The following HLA-DPB1 variants were observed in gnomAD, a reference collection of about 807,000 sequenced individuals.
HLA-DPB1 encodes the protein HLA class II histocompatibility antigen, DP beta 1 chain.
Under a neutral mutation model 29.4 loss-of-function variants are expected in HLA-DPB1, and 30 were observed. That is an observed-to-expected ratio of 1.02 (90% CI 0.76 to 1.38). The LOEUF (loss-of-function observed/expected upper bound fraction) is 1.38. Ranked by LOEUF, HLA-DPB1 falls within the 40% of genes most tolerant of loss-of-function variation. HLA-DPB1 has a pLI of 0.00. For missense variants in HLA-DPB1, 261 were observed against 327.5 expected, an observed-to-expected ratio of 0.80 and a Z score of 1.57; for synonymous variants, 114 against 134.0, an observed-to-expected ratio of 0.85 and a Z score of 1.03.
intron 1 of HLA-DPB1, 64 bp downstream of exon 1, chr6:33,076,205 C>T: frequency 1.8e-6 from 2 of 1,110,040 alleles, no homozygotes; most frequent in Non-Finnish European, 2.7e-6. Flanking sequence ...GGGACGTTAT[C>T]TTTAAGGGAT....
At chr6:33,085,480 G>A (rs1763055799) in intron 3 of HLA-DPB1, among the ~76,000 whole-genome samples, 2 of 152,108 alleles carry the variant, frequency 1.3e-5, no homozygotes, top group African/African-American at 2.4e-5. Flanking sequence ...GACTGGTCTC[G>A]AAACCCTCAC....
At position 33,084,970 on chromosome 6, in the gene HLA-DPB1, TC is replaced by T; in HGVS notation, c.390del (p.Ser131ProfsTer16). 6.3e-7 allele frequency: 1 copy of T among 1,588,738 alleles called. No homozygotes were observed. Among genetic ancestry groups the T allele is most frequent in the Non-Finnish European group, 8.6e-7 (1 of 1,159,328 alleles). ...CCTAGTCCAGCCTAGGGTGAATGTT[TC>T]CCCCTCCAAGAAGGGGCCCTTGCAG... Reference protein sequence around the residue: ...QRRVQPRVNVSPSKKGPLQHH... With the variant: ...QRRVQPRVNVXPSKKGPLQHH... On this transcript the variant is annotated frameshift_variant, in exon 3 of 6. Transcript: ENST00000418931. LOFTEE classifies it high-confidence loss of function.
At chr6:33,086,488 T>G (rs1271092899) in intron 5 of HLA-DPB1, 51 bp from the exon 6 acceptor site, 1 of 692,358 alleles carries the variant, frequency 1.4e-6, no homozygotes, top group Non-Finnish European at 2.7e-6. Flanking sequence ...TCTCCTGGAC[T>G]TACAGGAAGG....
Position 33,080,867 on chromosome 6 carries a change from G to A in HLA-DPB1, c.296G>A (p.Arg99Gln). Residue 99 changes from arginine to glutamine, a missense_variant, in exon 2 of 6, where the codon CGG becomes CAG. Arg to Gln is a conservative substitution (Grantham distance 43). Transcript: ENST00000418931. This position sits in a 1 kb window ranked among gnomAD's most constrained non-coding sequence, Gnocchi z 4.3. ...CAGAAGGACATCCTGGAGGAGAAGCGGGCAGTGCCGGACAGGATGTGCAGA... is the reference window on the plus strand; with the variant it reads ...CAGAAGGACATCCTGGAGGAGAAGCAGGCAGTGCCGGACAGGATGTGCAGA... ...NSQKDILEEKRAVPDRMCRHN... is the reference protein window; with the variant it reads ...NSQKDILEEKQAVPDRMCRHN... 4 of 1,613,044 alleles carry A rather than the reference G, an allele frequency of 2.5e-6. No homozygotes were observed. Among genetic ancestry groups the A allele is most frequent in the African/African-American group, 1.3e-5 (1 of 75,042 alleles).
intron 2 of HLA-DPB1, among the ~76,000 whole-genome samples, chr6:33,082,393 C>T (rs1443261378): frequency 9.2e-5 from 14 of 151,904 alleles, no homozygotes; most frequent in African/African-American, 3.1e-4. Context: ...TGGAGATCCT[C>T]TGTGATGCAC....
In HLA-DPB1 at chr6:33,080,539, T is replaced by C. The variant is rs766120636; in HGVS notation, c.101-133T>C. On this transcript the variant is annotated intron_variant, in intron 1 of 5. Transcript: ENST00000418931. This position sits in a 1 kb window ranked among gnomAD's most constrained non-coding sequence, Gnocchi z 4.3. Reference sequence around the variant, plus strand: ...CGCTTAGGACCACAGAACTCGGTACTAGGAAAACTCCTATTTTAAAATCCA... The same window carrying C: ...CGCTTAGGACCACAGAACTCGGTACCAGGAAAACTCCTATTTTAAAATCCA... 6 of 1,335,152 alleles carry C rather than the reference T, an allele frequency of 4.5e-6. No individual in the cohort carries two copies. The highest frequency in any genetic ancestry group is 3.8e-5 in the Admixed American group (2 of 52,414). 82.7% of individuals were successfully genotyped at this position (1,335,152 alleles called of 1,614,324 possible).
chr6:33,077,975 C>T (rs1762633352), intron 1 of HLA-DPB1, among the ~76,000 whole-genome samples: 1 of 152,144 alleles, frequency 6.6e-6, no homozygotes, highest in African/African-American at 2.4e-5. Flanking sequence ...GCCCTGGGAA[C>T]TGCAGAGGGG....
Position 33,080,689 on chromosome 6 carries a change from GGA to G in HLA-DPB1, c.119_120del (p.Gly40AlafsTer8). On this transcript the variant is annotated frameshift_variant, in exon 2 of 6. Coordinates refer to ENST00000418931, the MANE Select transcript of HLA-DPB1 (RefSeq NM_002121.6). LOFTEE classifies it high-confidence loss of function. This position sits in a 1 kb window ranked among gnomAD's most constrained non-coding sequence, Gnocchi z 4.3. ...CCCCGCAGAGAATTACCTTTTCCAG[GGA>G]CGGCAGGAATGCTACGCGTTTAATG... ...RATPENYLFQGRQECYAFNGT... is the reference protein window; with the variant it reads ...RATPENYLFQXRQECYAFNGT... 1 of 1,611,520 alleles carries G rather than the reference GGA, an allele frequency of 6.2e-7. No individual in the cohort carries two copies. Among genetic ancestry groups the G allele is most frequent in the Non-Finnish European group, 8.5e-7 (1 of 1,178,526 alleles).
chr6:33,077,549 G>A (rs1762607262), intron 1 of HLA-DPB1, among the ~76,000 whole-genome samples: 1 of 152,136 alleles, frequency 6.6e-6, no homozygotes, highest in Admixed American at 6.5e-5. Context: ...AAAAAGTCAG[G>A]AAACAACAGG....
intron 4 of HLA-DPB1, 58 bp from the exon 5 acceptor site, chr6:33,086,158 TCTC>T: frequency 7.2e-7 from 1 of 1,385,494 alleles, no homozygotes; most frequent in South Asian, 1.2e-5. Context: ...TGGAAATGTT[TCTC>T]TAATTATCTG....
At chr6:33,083,718 C>T (rs760644257) in intron 2 of HLA-DPB1, 2 of 152,238 alleles carry the variant, frequency 1.3e-5, no homozygotes, top group African/African-American at 2.4e-5. Flanking sequence ...GATCCTCATG[C>T]CTCAACCTCC....
chr6:33,085,963 T>TCA (rs140608279), intron 4 of HLA-DPB1, 74 bp downstream of exon 4: 246,907 of 1,027,554 alleles, frequency 0.24, 33,503 homozygotes, highest in East Asian at 0.59. Context: ...ATGAGGGGTT[T>TCA]GACAGAAAAG....
At chr6:33,078,331 A>T (rs1342675450) in intron 1 of HLA-DPB1, among the ~76,000 whole-genome samples, 1 of 152,154 alleles carries the variant, frequency 6.6e-6, no homozygotes, top group African/African-American at 2.4e-5. Context: ...CTGGAGCCAT[A>T]GGGGAGTGGG....
rs1172108496 is a variant in HLA-DPB1, at chr6:33,085,873, CAGG to C, written c.747_749del (p.Arg249del). The C allele has an allele frequency of 1.9e-6, 3 of 1,611,522 alleles. No homozygotes were observed. Among genetic ancestry groups the C allele is most frequent in the Non-Finnish European group, 2.5e-6 (3 of 1,178,232 alleles). ...TCTGTGGAGTGGGCATCTTCATGCA[CAGG>C]AGGAGCAAGAAAGGTGAGAAAGCCT... On this transcript the variant is annotated inframe_deletion, in exon 4 of 6. Transcript: ENST00000418931.
At chr6:33,081,726 C>T (rs556484802) in intron 2 of HLA-DPB1, among the ~76,000 whole-genome samples, 2 of 152,250 alleles carry the variant, frequency 1.3e-5, no homozygotes, top group South Asian at 4.2e-4. Flanking sequence ...GCGCATCCTC[C>T]TCGGGGCTGA....
At chr6:33,082,616 A>G (rs1762923085) in intron 2 of HLA-DPB1, among the ~76,000 whole-genome samples, 1 of 152,158 alleles carries the variant, frequency 6.6e-6, no homozygotes, top group Non-Finnish European at 1.5e-5. Flanking sequence ...AGAGGCAGGG[A>G]GATGAGGTAG....
At position 33,084,975 on chromosome 6, in the gene HLA-DPB1, C is replaced by T; in HGVS notation, c.390C>T (p.Pro130=). The part of the protein sequence containing the change: ...RRVQPRVNVS[P]SKKGPLQHHN... ...TCCAGCCTAGGGTGAATGTTTCCCCCTCCAAGAAGGGGCCCTTGCAGCACC... is the reference window on the plus strand; with the variant it reads ...TCCAGCCTAGGGTGAATGTTTCCCCTTCCAAGAAGGGGCCCTTGCAGCACC... The change falls in exon 3 of 6, where the codon CCC becomes CCT. Residue 130 remains proline (P), a synonymous_variant. Transcript: ENST00000418931. 1 of 1,596,286 alleles carries T rather than the reference C, an allele frequency of 6.3e-7. No homozygotes were observed. The highest frequency in any genetic ancestry group is 8.6e-7 in the Non-Finnish European group (1 of 1,165,644).
chr6:33,086,288 A>G, intron 5 of HLA-DPB1, 46 bp downstream of exon 5: 1 of 1,396,192 alleles, frequency 7.2e-7, no homozygotes, highest in South Asian at 1.2e-5. Context: ...TTGCAGGAGG[A>G]TATGAGTCCT....
intron 1 of HLA-DPB1, among the ~76,000 whole-genome samples, chr6:33,078,330 T>C (rs1232365240): frequency 6.6e-6 from 1 of 152,066 alleles, no homozygotes; most frequent in African/African-American, 2.4e-5. Context: ...GCTGGAGCCA[T>C]AGGGGAGTGG....
Sources: allele counts gnomAD v4.1 joint callset (sites outside exome capture counted in the v4.1 genomes callset), GRCh38; gene constraint gnomAD v4.1.1; non-coding constraint Gnocchi (gnomAD v3.1); transcripts MANE v1.5; gene names NCBI Gene and HGNC (gene_info 2026-07-23, HGNC 2026-07-21).